The following CHD7 variants were observed in gnomAD, a reference collection of about 807,000 sequenced individuals.
CHD7 encodes chromodomain helicase DNA binding protein 7, also known as ATP-dependent chromatin remodeler CHD7.
A neutral mutation model predicts 307.3 loss-of-function variants in CHD7; 24 were observed. That is an observed-to-expected ratio of 0.08 (90% confidence interval 0.06 to 0.11). CHD7 has a LOEUF of 0.11. CHD7 is among the 10% of genes least tolerant of loss of function. The pLI is 1.00. For synonymous variants in CHD7, 1,363 were observed against 1,349.9 expected (o/e 1.01, Z -0.21); for missense variants, 3,106 against 3,727.1 (o/e 0.83, Z 4.34).
chr8:60,690,678 G>T (rs35777815), intron 1 of CHD7, among the ~76,000 whole-genome samples: 16,533 of 152,146 alleles, frequency 0.11, 1,983 homozygotes, highest in African/African-American at 0.3. Flanking sequence ...CCACACTGTG[G>T]AGCACACAGG....
intron 2 of CHD7, among the ~76,000 whole-genome samples, chr8:60,748,987 T>TAA (rs372874769): frequency 0.015 from 2,191 of 149,268 alleles, 44 homozygotes; most frequent in African/African-American, 0.048. Context: ...TTTTTTTTTT[T>TAA]AAAAAAATAG....
intron 15 of CHD7, among the ~76,000 whole-genome samples, chr8:60,831,796 C>T (rs996153194): frequency 1.3e-5 from 2 of 152,082 alleles, no homozygotes; most frequent in Admixed American, 6.5e-5. Flanking sequence ...AAAGGGAGCA[C>T]AACCTGGTCT....
Position 60,845,362 on chromosome 8 carries a change from G to C in CHD7, c.5163G>C (p.Leu1721=). ...TGGCCAGCTGCAACCCAGATGCCCT[G>C]TTCCAGGAGGACAGCTACAAGAAAC... is the stretch of plus-strand genomic sequence containing the variant. ...DWLASCNPDA[L]FQEDSYKKHL... Residue 1721 remains leucine, a synonymous_variant, in exon 23 of 38, where the codon CTG becomes CTC. Transcript: ENST00000423902. 1 of 1,614,028 alleles carries C rather than the reference G, an allele frequency of 6.2e-7. No homozygotes were observed. The highest frequency in any genetic ancestry group is 8.5e-7 in the Non-Finnish European group (1 of 1,179,888).
At chr8:60,720,643 G>T (rs569879013) in intron 1 of CHD7, among the ~76,000 whole-genome samples, 20 of 152,246 alleles carry the variant, frequency 1.3e-4, no homozygotes, top group Non-Finnish European at 2.5e-4. Context: ...ACCCTTCTCC[G>T]TTCTGGTAGA....
intron 2 of CHD7, among the ~76,000 whole-genome samples, chr8:60,766,259 T>TAA (rs1404893174): frequency 2.0e-5 from 3 of 152,122 alleles, no homozygotes; most frequent in Admixed American, 2.0e-4. Flanking sequence ...TGTTGTCTGC[T>TAA]GGTAAGGAAT....
At chr8:60,710,903 A>G (rs947446771) in intron 1 of CHD7, among the ~76,000 whole-genome samples, 3 of 152,258 alleles carry the variant, frequency 2.0e-5, no homozygotes, top group African/African-American at 7.2e-5. Flanking sequence ...TGCACAGGAA[A>G]CTATTGAGTT....
intron 1 of CHD7, among the ~76,000 whole-genome samples, chr8:60,728,257 G>A (rs960074328): frequency 2.6e-5 from 4 of 152,248 alleles, no homozygotes; most frequent in Admixed American, 6.5e-5. Flanking sequence ...AGCTGAAAAG[G>A]TGTCATCAGT....
rs1321106086 is a variant in CHD7 at position 60,866,775 on chromosome 8, GT to G, written c.*847del. The G allele has an allele frequency of 2.0e-5, 3 of 152,546 alleles. No individual in the cohort carries two copies. Among genetic ancestry groups the G allele is most frequent in the African/African-American group, 7.2e-5 (3 of 41,402 alleles). 9.4% of individuals were successfully genotyped at this position (152,546 alleles called of 1,614,324 possible). A position where few individuals can be genotyped will look rare whatever the true frequency, so the allele number is the denominator to read the frequency against. On this transcript the variant is annotated 3_prime_UTR_variant, in exon 38 of 38. Transcript: ENST00000423902. Reference sequence around the variant, plus strand: ...ACAGACATGACTTTGTAAATGTATTGTTTTTCTTTGTTGTGATGTCCTTTTA... The same window carrying G: ...ACAGACATGACTTTGTAAATGTATTGTTTTCTTTGTTGTGATGTCCTTTTA...
chr8:60,730,218 G>A (rs969371277), intron 1 of CHD7, among the ~76,000 whole-genome samples: 1 of 152,204 alleles, frequency 6.6e-6, no homozygotes, highest in Non-Finnish European at 1.5e-5. Context: ...TGACTCTCTG[G>A]AGGAAGGAAA....
intron 13 of CHD7, among the ~76,000 whole-genome samples, chr8:60,825,867 C>G (rs1052050298): frequency 6.6e-6 from 1 of 151,208 alleles, no homozygotes; most frequent in Non-Finnish European, 1.5e-5. Flanking sequence ...AATTTAAGTT[C>G]TAGGGTACAT....
At chr8:60,687,863 G>A (rs114612368) in intron 1 of CHD7, among the ~76,000 whole-genome samples, 44 of 152,316 alleles carry the variant, frequency 2.9e-4, no homozygotes, top group African/African-American at 1.0e-3. Flanking sequence ...ATCCAGATGA[G>A]CTAGACTCCA....
At chr8:60,711,786 A>G (rs907853225) in intron 1 of CHD7, among the ~76,000 whole-genome samples, 7 of 152,252 alleles carry the variant, frequency 4.6e-5, no homozygotes, top group African/African-American at 9.6e-5. Context: ...TAGGAAGGCA[A>G]TTGATCCTGC....
At chr8:60,725,514 T>G (rs1563546202) in intron 1 of CHD7, among the ~76,000 whole-genome samples, 1 of 152,224 alleles carries the variant, frequency 6.6e-6, no homozygotes, top group Non-Finnish European at 1.5e-5. Flanking sequence ...GAATGACAGT[T>G]GACATTAAGC....
At chr8:60,714,501 C>T (rs1384514072) in intron 1 of CHD7, among the ~76,000 whole-genome samples, 1 of 151,450 alleles carries the variant, frequency 6.6e-6, no homozygotes, top group East Asian at 2.0e-4. Flanking sequence ...GGCCATCTCG[C>T]GCCCGTGCGC....
chr8:60,742,005 C>G lies in CHD7; in HGVS notation c.573C>G (p.Ser191Arg), dbSNP rs778449732. 8 of 1,613,758 alleles carry G rather than the reference C, an allele frequency of 5.0e-6. No individual in the cohort carries two copies. The highest frequency in any genetic ancestry group is 3.3e-5 in the South Asian group (3 of 91,084). ...GHPQHMQQMG[S>R]YMARGDFSMQ... is the part of the protein sequence containing the mutation. ...CTCAGCACATGCAGCAGATGGGCAG[C>G]TATATGGCACGTGGGGATTTTTCCA... is the stretch of plus-strand genomic sequence containing the variant. Residue 191 changes from serine to arginine, a missense_variant, in exon 2 of 38, where the codon AGC (serine) becomes AGG (arginine). This residue lies in a region of CHD7 where 998 missense variants were observed against 1,004.5 expected (regional missense o/e 0.99). Coordinates refer to ENST00000423902, the MANE Select transcript of CHD7 (RefSeq NM_017780.4).
chr8:60,823,298 A>G (rs1804125205), intron 12 of CHD7, among the ~76,000 whole-genome samples: 1 of 152,138 alleles, frequency 6.6e-6, no homozygotes, highest in Non-Finnish European at 1.5e-5. Context: ...ATGACATGAT[A>G]AGGAAGAATA....
chr8:60,840,186 G>A (rs574359653), intron 19 of CHD7, among the ~76,000 whole-genome samples: 229 of 152,288 alleles, frequency 1.5e-3, no homozygotes, highest in Non-Finnish European at 2.4e-3. Context: ...TCCAACGTTC[G>A]TTTTGCATGT....
Position 60,841,766 on chromosome 8 carries a change from G to C in CHD7, c.4644+12G>C. The C allele has an allele frequency of 6.2e-7, 1 of 1,603,230 alleles. No homozygotes were observed. Among genetic ancestry groups the C allele is most frequent in the Non-Finnish European group, 8.5e-7 (1 of 1,170,530 alleles). On this transcript the variant is annotated intron_variant, in intron 20 of 37. Transcript: ENST00000423902. ...CCTTAAATGGGAGGGTGAGTAAGAA[G>C]TCCCATTCGAACACCTATCTGATCT...
rs544498983 is a variant in CHD7 at position 60,867,631 on chromosome 8, T to A, written c.*1698T>A. On this transcript the variant is annotated 3_prime_UTR_variant, in exon 38 of 38. Transcript: ENST00000423902. ...GTGTGTGTTGCCTTCCTCCACACCCTTCCCCCAGGACGTCCGCACACAGTC... is the reference window on the plus strand; with the variant it reads ...GTGTGTGTTGCCTTCCTCCACACCCATCCCCCAGGACGTCCGCACACAGTC... The A allele has an allele frequency of 6.6e-6, 1 of 152,216 alleles. No homozygotes were observed. Among genetic ancestry groups the A allele is most frequent in the African/African-American group, 2.4e-5 (1 of 41,436 alleles). The allele number at this position is 152,216 out of a possible 1,614,324, so 9.4% of individuals were successfully genotyped here.
Sources: gnomAD v4.1 joint callset for allele counts (sites outside exome capture counted in the v4.1 genomes callset) on GRCh38, gnomAD v4.1.1 for gene constraint, gnomAD v4.1.1 regional missense constraint, MANE v1.5 for transcripts, NCBI Gene and HGNC (gene_info 2026-07-23, HGNC 2026-07-21) for gene names.